USP19: variants seen among roughly 807,000 people sequenced by gnomAD.
The protein encoded by USP19 is ubiquitin carboxyl-terminal hydrolase 19.
Under a neutral mutation model 144.8 loss-of-function variants are expected in USP19, and 40 were observed. The observed-to-expected ratio is 0.28, with a 90% CI of 0.21 to 0.36. The LOEUF (loss-of-function observed/expected upper bound fraction) is 0.36, where lower values mean the gene tolerates loss of function less well. USP19 is among the 10% of genes least tolerant of loss of function. The pLI, the probability that USP19 is intolerant of heterozygous loss-of-function variation, is 1.00. For synonymous variants in USP19, 701 were observed against 709.3 expected, an observed-to-expected ratio of 0.99 and a Z score of 0.19; for missense variants, 1,518 against 1,822.5, an observed-to-expected ratio of 0.83 and a Z score of 3.04.
At position 49,116,722 on chromosome 3, in the gene USP19, T is replaced by G; in HGVS notation, c.1126+5A>C. 7.3e-6 allele frequency: 10 copies of G among 1,364,310 alleles called. No individual in the cohort carries two copies. The highest frequency in any genetic ancestry group is 1.4e-5 in the African/African-American group (1 of 69,206). The allele number at this position is 1,364,310 out of a possible 1,614,324, so 84.5% of individuals were successfully genotyped here. A position where few individuals can be genotyped will look rare whatever the true frequency, so the allele number is the denominator to read the frequency against. Reference sequence around the variant, plus strand: ...AGGGCTCTGCCTGCCCACCCCCACCTTTACCATCCACCAAGGTTGCAGCAT... The same window carrying G: ...AGGGCTCTGCCTGCCCACCCCCACCGTTACCATCCACCAAGGTTGCAGCAT... On this transcript the variant is annotated splice_donor_5th_base_variant and intron_variant, in intron 7 of 26. Coordinates refer to ENST00000417901, the MANE Select transcript of USP19 (RefSeq NM_001199161.2). This position sits in a 1 kb window ranked among gnomAD's most constrained non-coding sequence, Gnocchi z 5.0.
In USP19 at chr3:49,111,061, C is replaced by T; in HGVS notation, c.3434G>A (p.Cys1145Tyr). The T allele has an allele frequency of 6.2e-7, 1 of 1,614,080 alleles. No homozygotes were observed. Among genetic ancestry groups the T allele is most frequent in the East Asian group, 2.2e-5 (1 of 44,888 alleles). The change falls in exon 23 of 27, where the codon TGT becomes TAT. Residue 1145 changes from cysteine to tyrosine, a missense_variant. Physicochemically the swap from Cys to Tyr is radical, Grantham distance 194. Around this residue, in one of 5 missense-constraint regions of USP19, gnomAD observed 413 missense variants for 515.8 expected, o/e 0.80. Transcript: ENST00000417901. This position sits in a 1 kb window ranked among gnomAD's most constrained non-coding sequence, Gnocchi z 5.9. ...FVLVASKELE[C>Y]AEDPGSAGEA... is the part of the protein sequence containing the mutation. Reference sequence around the variant, plus strand: ...ACCGGCAGAGCCTGGATCCTCAGCACATTCCAGCTCCTTGGAGGCTACCAA... The same window carrying T: ...ACCGGCAGAGCCTGGATCCTCAGCATATTCCAGCTCCTTGGAGGCTACCAA...
In USP19 at chr3:49,110,058, T is replaced by C; in HGVS notation, c.4038+126A>G. 8.5e-7 allele frequency: 1 copy of C among 1,176,150 alleles called. No individual in the cohort carries two copies. Among genetic ancestry groups the C allele is most frequent in the South Asian group, 2.2e-5 (1 of 46,112 alleles). The allele number at this position is 1,176,150 out of a possible 1,614,324, so 72.9% of individuals were successfully genotyped here. On this transcript the variant is annotated intron_variant, in intron 26 of 26. Transcript: ENST00000417901. The surrounding 1 kb of genome is among the most constrained non-coding windows in gnomAD (Gnocchi z 6.1). ...TAAAGCTTTGATGTTAAGAGAACTC[T>C]GCAATTCTCATGAATCCCAAGGCTC...
chr3:49,117,238 T>G lies in USP19; in HGVS notation c.730A>C (p.Asn244His). 2 of 1,553,412 alleles carry G rather than the reference T, an allele frequency of 1.3e-6. No homozygotes were observed. Among genetic ancestry groups the G allele is most frequent in the South Asian group, 2.3e-5 (2 of 85,572 alleles). ...CCACGGCCCTGGGCCCGCTTCTGGT[T>G]CCGGGCCTCCTGCTTAGCCCGGTGG... ...EPHRAKQEAR[N>H]QKRAQGRGEV... Residue 244 changes from asparagine to histidine, a missense_variant, in exon 6 of 27, where the codon AAC (asparagine) becomes CAC (histidine). By Grantham distance (68) the Asn-to-His change is moderately conservative (BLOSUM62 1). Coordinates refer to ENST00000417901, the MANE Select transcript of USP19 (RefSeq NM_001199161.2). This position sits in a 1 kb window ranked among gnomAD's most constrained non-coding sequence, Gnocchi z 4.4.
At position 49,119,182 on chromosome 3, in the gene USP19, G is replaced by A; in HGVS notation, c.-37C>T. ...TGGTCGACAGCCAGAGTGCCCCGGGGTCGGCAACAGCGTCTGGGTCAGGGC... is the reference window on the plus strand; with the variant it reads ...TGGTCGACAGCCAGAGTGCCCCGGGATCGGCAACAGCGTCTGGGTCAGGGC... On this transcript the variant is annotated 5_prime_UTR_variant, in exon 2 of 27. Transcript: ENST00000417901. 6.3e-7 allele frequency: 1 copy of A among 1,598,598 alleles called. No homozygotes were observed. The highest frequency in any genetic ancestry group is 1.1e-5 in the South Asian group (1 of 90,302).
In USP19 at chr3:49,112,451, C is replaced by A. The variant is rs781460212; in HGVS notation, c.2646+38G>T. ...CAAGACCAGGAAGAAGTGCCCCACC[C>A]ACCAGGGCGCTGTGCCATCAGGTTG... is the stretch of plus-strand genomic sequence containing the variant. On this transcript the variant is annotated intron_variant, in intron 18 of 26. Transcript: ENST00000417901. The surrounding 1 kb of genome is among the most constrained non-coding windows in gnomAD (Gnocchi z 4.9). The A allele has an allele frequency of 6.2e-7, 1 of 1,613,718 alleles. No homozygotes were observed. The highest frequency in any genetic ancestry group is 2.2e-5 in the East Asian group (1 of 44,886).
Position 49,112,474 on chromosome 3 carries a change from T to C in USP19, c.2646+15A>G. 6.2e-7 allele frequency: 1 copy of C among 1,613,582 alleles called. No individual in the cohort carries two copies. Among genetic ancestry groups the C allele is most frequent in the East Asian group, 2.2e-5 (1 of 44,870 alleles). On this transcript the variant is annotated intron_variant, in intron 18 of 26. Transcript: ENST00000417901. This position sits in a 1 kb window ranked among gnomAD's most constrained non-coding sequence, Gnocchi z 4.9. Reference sequence around the variant, plus strand: ...CCCACCAGGGCGCTGTGCCATCAGGTTGGCCCCCACTCACCTGTTGCACCT... The same window carrying C: ...CCCACCAGGGCGCTGTGCCATCAGGCTGGCCCCCACTCACCTGTTGCACCT...
chr3:49,110,122 C>A lies in USP19; in HGVS notation c.4038+62G>T. On this transcript the variant is annotated intron_variant, in intron 26 of 26. Transcript: ENST00000417901. This position sits in a 1 kb window ranked among gnomAD's most constrained non-coding sequence, Gnocchi z 6.1. ...CTGGAGGAGAGGAAGCTATATCCCC[C>A]AACCCGGCCCCAGTCTGTGAACTGT... The A allele has an allele frequency of 6.9e-7, 1 of 1,446,396 alleles. No individual in the cohort carries two copies. Among genetic ancestry groups the A allele is most frequent in the Non-Finnish European group, 9.1e-7 (1 of 1,103,094 alleles). The allele number at this position is 1,446,396 out of a possible 1,614,324, so 89.6% of individuals were successfully genotyped here.
Position 49,116,426 on chromosome 3 carries a change from T to C in USP19, c.1283+25A>G. ...ACATACTGTCCCACCTGAGGCATTGTTTGCCCCATCATCTACCCACCCACC... is the reference window on the plus strand; with the variant it reads ...ACATACTGTCCCACCTGAGGCATTGCTTGCCCCATCATCTACCCACCCACC... On this transcript the variant is annotated intron_variant, in intron 8 of 26. Transcript: ENST00000417901. This position sits in a 1 kb window ranked among gnomAD's most constrained non-coding sequence, Gnocchi z 5.0. 1.2e-6 allele frequency: 2 copies of C among 1,613,980 alleles called. No individual in the cohort carries two copies. Among genetic ancestry groups the C allele is most frequent in the Non-Finnish European group, 1.7e-6 (2 of 1,179,910 alleles).
chr3:49,112,258 G>T lies in USP19; in HGVS notation c.2765+26C>A. ...GGCACATGGAAGGTGGAAAGAAAGGGTAGGGGAGACCATGGGGGTCCTCAC... is the reference window on the plus strand; with the variant it reads ...GGCACATGGAAGGTGGAAAGAAAGGTTAGGGGAGACCATGGGGGTCCTCAC... On this transcript the variant is annotated intron_variant, in intron 19 of 26. Transcript: ENST00000417901. This position sits in a 1 kb window ranked among gnomAD's most constrained non-coding sequence, Gnocchi z 4.9. 1 of 1,588,482 alleles carries T rather than the reference G, an allele frequency of 6.3e-7. No individual in the cohort carries two copies. The highest frequency in any genetic ancestry group is 8.6e-7 in the Non-Finnish European group (1 of 1,167,750).
Position 49,110,005 on chromosome 3 carries a change from G to A in USP19, c.4038+179C>T, listed in dbSNP as rs2042898116. 3 of 644,528 alleles carry A rather than the reference G, an allele frequency of 4.7e-6. No homozygotes were observed. The highest frequency in any genetic ancestry group is 7.0e-6 in the Non-Finnish European group (3 of 426,376). 39.9% of individuals were successfully genotyped at this position (644,528 alleles called of 1,614,324 possible). ...TTAGTGTACTTGTATGTTTGTTAGTGTCCCCAAGGCATGGGGATGCCTCTG... is the reference window on the plus strand; with the variant it reads ...TTAGTGTACTTGTATGTTTGTTAGTATCCCCAAGGCATGGGGATGCCTCTG... On this transcript the variant is annotated intron_variant, in intron 26 of 26. Coordinates refer to ENST00000417901, the MANE Select transcript of USP19 (RefSeq NM_001199161.2). This position sits in a 1 kb window ranked among gnomAD's most constrained non-coding sequence, Gnocchi z 6.1.
chr3:49,117,937 C>A lies in USP19; in HGVS notation c.298+10G>T. 2 of 1,612,912 alleles carry A rather than the reference C, an allele frequency of 1.2e-6. No homozygotes were observed. Among genetic ancestry groups the A allele is most frequent in the Non-Finnish European group, 1.7e-6 (2 of 1,179,738 alleles). Reference sequence around the variant, plus strand: ...CTTCCCTAGCAACAAAAAGCCCATTCGTTACTGACCCTCTTTGGTCTGCTC... The same window carrying A: ...CTTCCCTAGCAACAAAAAGCCCATTAGTTACTGACCCTCTTTGGTCTGCTC... On this transcript the variant is annotated intron_variant, in intron 3 of 26. Transcript: ENST00000417901. The surrounding 1 kb of genome is among the most constrained non-coding windows in gnomAD (Gnocchi z 4.4).
Position 49,111,062 on chromosome 3 carries a change from A to G in USP19, c.3433T>C (p.Cys1145Arg), listed in dbSNP as rs1483974914. 1.9e-6 allele frequency: 3 copies of G among 1,614,070 alleles called. No homozygotes were observed. The highest frequency in any genetic ancestry group is 2.5e-6 in the Non-Finnish European group (3 of 1,180,032). The change falls in exon 23 of 27, where the codon TGT becomes CGT. Residue 1145 changes from cysteine to arginine, a missense_variant. This residue lies in a region of USP19 where 413 missense variants were observed against 515.8 expected (regional missense o/e 0.80). Transcript: ENST00000417901. This position sits in a 1 kb window ranked among gnomAD's most constrained non-coding sequence, Gnocchi z 5.9. ...CCGGCAGAGCCTGGATCCTCAGCAC[A>G]TTCCAGCTCCTTGGAGGCTACCAAC... ...FVLVASKELE[C>R]AEDPGSAGEA...
rs2044720593 is a variant in USP19, at chr3:49,119,259, T to C, written c.-114A>G. The C allele has an allele frequency of 7.1e-7, 1 of 1,415,770 alleles. No homozygotes were observed. Among genetic ancestry groups the C allele is most frequent in the South Asian group, 1.4e-5 (1 of 72,094 alleles). The allele number at this position is 1,415,770 out of a possible 1,614,324, so 87.7% of individuals were successfully genotyped here. ...ATCTTGGCAACTCTTTGTGGCCAAA[T>C]TCTCCAGCAAGGAACGGACAGCCTA... On this transcript the variant is annotated 5_prime_UTR_variant, in exon 2 of 27. Coordinates refer to ENST00000417901, the MANE Select transcript of USP19 (RefSeq NM_001199161.2).
chr3:49,117,522 C>T lies in USP19; in HGVS notation c.521G>A (p.Cys174Tyr). Reference sequence around the variant, plus strand: ...GCCCTTGCGGGTTTGCACTTTAGCACAAGAGCTTTTTATCTCAGCATAGAA... The same window carrying T: ...GCCCTTGCGGGTTTGCACTTTAGCATAAGAGCTTTTTATCTCAGCATAGAA... ...GVFYAEIKSS[C>Y]AKVQTRKGSL... Residue 174 changes from cysteine to tyrosine, a missense_variant, in exon 5 of 27, where the codon TGT becomes TAT. By Grantham distance (194) the Cys-to-Tyr change is radical (BLOSUM62 -2). Around this residue, in one of 5 missense-constraint regions of USP19, gnomAD observed 707 missense variants for 728.9 expected, o/e 0.97. Coordinates refer to ENST00000417901, the MANE Select transcript of USP19 (RefSeq NM_001199161.2). This position sits in a 1 kb window ranked among gnomAD's most constrained non-coding sequence, Gnocchi z 4.4. 1.2e-6 allele frequency: 2 copies of T among 1,614,138 alleles called. No homozygotes were observed. The highest frequency in any genetic ancestry group is 2.2e-5 in the East Asian group (1 of 44,886).
chr3:49,115,956 G>T lies in USP19; in HGVS notation c.1472-12C>A, dbSNP rs779612259. 8 of 1,553,546 alleles carry T rather than the reference G, an allele frequency of 5.1e-6. No homozygotes were observed. The highest frequency in any genetic ancestry group is 6.9e-6 in the Non-Finnish European group (8 of 1,152,470). ...ACCACCCACTGCACCTTAAAAAGGGGGAATGAGAGGGCTGGTGGTTAGCAG... is the reference window on the plus strand; with the variant it reads ...ACCACCCACTGCACCTTAAAAAGGGTGAATGAGAGGGCTGGTGGTTAGCAG... On this transcript the variant is annotated splice_polypyrimidine_tract_variant and intron_variant, in intron 10 of 26. Transcript: ENST00000417901. This position sits in a 1 kb window ranked among gnomAD's most constrained non-coding sequence, Gnocchi z 6.6.
At chr3:49,119,620 G>A (rs1054353878) in intron 1 of USP19, among the ~76,000 whole-genome samples, 1 of 152,206 alleles carries the variant, frequency 6.6e-6, no homozygotes, top group African/African-American at 2.4e-5. Flanking sequence ...GGCACTCCGA[G>A]CAGGGTGCTC....
rs1159881983 is a variant in USP19, at chr3:49,114,488, C to A, written c.2293-204G>T. On this transcript the variant is annotated intron_variant, in intron 15 of 26. Transcript: ENST00000417901. The surrounding 1 kb of genome is among the most constrained non-coding windows in gnomAD (Gnocchi z 4.5). ...TCTTTCTGGCACTCAAAGCCCTACTCAGCTTAGCCACTTTACGAATTGGCC... is the reference window on the plus strand; with the variant it reads ...TCTTTCTGGCACTCAAAGCCCTACTAAGCTTAGCCACTTTACGAATTGGCC... 6.6e-6 allele frequency among the ~76,000 whole-genome samples: 1 copy of A among 152,200 alleles called. No individual in the cohort carries two copies. The highest frequency in any genetic ancestry group is 1.5e-5 in the Non-Finnish European group (1 of 68,028).
intron 1 of USP19, chr3:49,120,341 C>T (rs1490753832): frequency 1.3e-5 from 2 of 152,324 alleles, no homozygotes; most frequent in East Asian, 3.8e-4. Context: ...GCCACCGGCG[C>T]CTCCTTCTTG....
rs1288847190 is a variant in USP19 at position 49,110,258 on chromosome 3, C to T, written c.3964G>A (p.Glu1322Lys). The change falls in exon 26 of 27, where the codon GAG (glutamate) becomes AAG (lysine). Residue 1322 changes from glutamate to lysine, a missense_variant. Glu to Lys is a moderately conservative substitution (Grantham distance 56). Transcript: ENST00000417901. The surrounding 1 kb of genome is among the most constrained non-coding windows in gnomAD (Gnocchi z 6.1). Reference protein sequence around the residue: ...LFYRRRNSPVERPPRAGHSEH... With the variant: ...LFYRRRNSPVKRPPRAGHSEH... ...GAGTGACCTGCCCTGGGGGGCCTCT[C>T]CACAGGAGAGTTCCGCCGGCGGTAG... 1 of 1,603,118 alleles carries T rather than the reference C, an allele frequency of 6.2e-7. No individual in the cohort carries two copies. Among genetic ancestry groups the T allele is most frequent in the Non-Finnish European group, 8.5e-7 (1 of 1,173,278 alleles).
Sources: allele counts gnomAD v4.1 joint callset (sites outside exome capture counted in the v4.1 genomes callset), GRCh38; gene constraint gnomAD v4.1.1; regional missense constraint gnomAD v4.1.1; non-coding constraint Gnocchi (gnomAD v3.1); transcripts MANE v1.5; gene names NCBI Gene and HGNC (gene_info 2026-07-23, HGNC 2026-07-21).